Variants in CADPS observed in about 807,000 individuals in gnomAD.
CADPS encodes the protein calcium-dependent secretion activator 1.
A neutral mutation model predicts 167.3 loss-of-function variants in CADPS; 57 were observed. That is an observed-to-expected ratio of 0.34 (90% confidence interval 0.28 to 0.42). The LOEUF is 0.42. CADPS is among the 20% of genes least tolerant of loss of function. The probability of loss-of-function intolerance (pLI) is 1.00; values close to 1 mark genes in which losing one functional copy is unlikely to be tolerated. For missense variants in CADPS, 1,414 were observed against 1,738.1 expected (o/e 0.81, Z 3.32); for synonymous variants, 676 against 635.3 (o/e 1.06, Z -0.96).
intron 1 of CADPS, among the ~76,000 whole-genome samples, chr3:62,862,071 A>T (rs1354299078): frequency 6.6e-6 from 1 of 152,086 alleles, no homozygotes; most frequent in Non-Finnish European, 1.5e-5. Context: ...AAAAAAAAAA[A>T]TCCAAGATCC....
chr3:62,444,410 A>G (rs2056873912), intron 27 of CADPS, among the ~76,000 whole-genome samples: 1 of 152,208 alleles, frequency 6.6e-6, no homozygotes, highest in African/African-American at 2.4e-5. Context: ...TTTAATTTGC[A>G]CAGCAAACCC....
At chr3:62,819,002 T>G (rs2094761782) in intron 1 of CADPS, among the ~76,000 whole-genome samples, 1 of 151,878 alleles carries the variant, frequency 6.6e-6, no homozygotes, top group Non-Finnish European at 1.5e-5. Flanking sequence ...TAAGAACAGT[T>G]ACTGGCTCCA....
rs1010555407 is a variant in CADPS, at chr3:62,399,118, C to T, written c.*288G>A. On this transcript the variant is annotated 3_prime_UTR_variant, in exon 30 of 30. Transcript: ENST00000383710. This position sits in a 1 kb window ranked among gnomAD's most constrained non-coding sequence, Gnocchi z 5.6. The stretch of plus-strand genomic sequence containing the variant: ...ATGAATGAAGCATCATTGATCTTTG[C>T]TGATAACAGGGACACGCCTAGTGGT... The T allele has an allele frequency of 3.3e-6, 1 of 301,432 alleles. No individual in the cohort carries two copies. The highest frequency in any genetic ancestry group is 6.3e-6 in the Non-Finnish European group (1 of 159,404). The allele number at this position is 301,432 out of a possible 1,614,324, so 18.7% of individuals were successfully genotyped here.
chr3:62,704,861 C>T (rs1005006388), intron 3 of CADPS, among the ~76,000 whole-genome samples: 2 of 151,992 alleles, frequency 1.3e-5, no homozygotes, highest in East Asian at 1.9e-4. Context: ...AATCAATTAA[C>T]GAATCACAGC....
In CADPS at chr3:62,600,945, C is replaced by T; in HGVS notation, c.1326-8197G>A. On this transcript the variant is annotated intron_variant, in intron 6 of 29. Coordinates refer to ENST00000383710, the MANE Select transcript of CADPS (RefSeq NM_003716.4). ...GCCAGCCTGGGCAACATAGTGATAC[C>T]CAGTCTCTTAAAAAAATAGAACTGA... Among the ~76,000 whole-genome samples, 2 of 152,048 alleles carry T rather than the reference C, an allele frequency of 1.3e-5. 1 individual carries two copies. Among genetic ancestry groups the T allele is most frequent in the Non-Finnish European group, 2.9e-5 (2 of 68,008 alleles).
chr3:62,592,591 G>C lies in CADPS; in HGVS notation c.1437+46C>G, dbSNP rs2086300075. ...GACCTGTGCACTGGAGACCTAGCTG[G>C]GGAAATCCTCTCTGTGGAGTTCCCC... On this transcript the variant is annotated intron_variant, in intron 7 of 29. Transcript: ENST00000383710. 3 of 1,452,692 alleles carry C rather than the reference G, an allele frequency of 2.1e-6. No individual in the cohort carries two copies. In the African/African-American group the frequency reaches 4.2e-5, roughly 20 times the overall value. The allele number at this position is 1,452,692 out of a possible 1,614,324, so 90.0% of individuals were successfully genotyped here. A position where few individuals can be genotyped will look rare whatever the true frequency, so the allele number is the denominator to read the frequency against.
intron 3 of CADPS, among the ~76,000 whole-genome samples, chr3:62,713,667 G>A (rs2083843755): frequency 2.0e-5 from 3 of 152,194 alleles, no homozygotes; most frequent in Admixed American, 1.3e-4. Flanking sequence ...CCACTGGCTT[G>A]CCATTGAATT....
At chr3:62,485,926 C>A (rs1208281649) in intron 21 of CADPS, among the ~76,000 whole-genome samples, 1 of 152,152 alleles carries the variant, frequency 6.6e-6, no homozygotes, top group East Asian at 1.9e-4. Context: ...ACTCAGGACA[C>A]TTGGTGGCCC....
intron 1 of CADPS, among the ~76,000 whole-genome samples, chr3:62,835,832 AGAAACT>A (rs2075813477): frequency 6.6e-6 from 1 of 152,232 alleles, no homozygotes; most frequent in Non-Finnish European, 1.5e-5. Context: ...AAGAGAAAAC[AGAAACT>A]GAAACTGTTT....
chr3:62,686,452 G>T (rs546748454), intron 3 of CADPS, among the ~76,000 whole-genome samples: 1 of 152,116 alleles, frequency 6.6e-6, no homozygotes, highest in South Asian at 2.1e-4. Context: ...TGCTAAATGT[G>T]AACTAGAAAG....
chr3:62,525,904 T>C (rs923562554), intron 13 of CADPS, among the ~76,000 whole-genome samples: 1 of 152,080 alleles, frequency 6.6e-6, no homozygotes, highest in African/African-American at 2.4e-5. Flanking sequence ...AGGGCAATCA[T>C]TGTGGTCCAG....
At chr3:62,816,717 A>G (rs2094633036) in intron 1 of CADPS, among the ~76,000 whole-genome samples, 1 of 151,946 alleles carries the variant, frequency 6.6e-6, no homozygotes, top group African/African-American at 2.4e-5. Flanking sequence ...AGAAAGCCTC[A>G]CATTTTTCAC....
At position 62,812,159 on chromosome 3, in the gene CADPS, G is replaced by A. The variant is rs559684476; in HGVS notation, c.442-46175C>T. On this transcript the variant is annotated intron_variant, in intron 1 of 29. Coordinates refer to ENST00000383710, the MANE Select transcript of CADPS (RefSeq NM_003716.4). Reference sequence around the variant, plus strand: ...AAATATTCAAAAACAACTGGAAGGAGATACACAAAAATATTAACATATGAT... The same window carrying A: ...AAATATTCAAAAACAACTGGAAGGAAATACACAAAAATATTAACATATGAT... 4.3e-3 allele frequency among the ~76,000 whole-genome samples: 658 copies of A among 152,238 alleles called. 5 individuals are homozygous for A. Among genetic ancestry groups the A allele is most frequent in the African/African-American group, 5.6e-3 (231 of 41,554 alleles).
At chr3:62,485,363 C>T (rs1045785617) in intron 21 of CADPS, among the ~76,000 whole-genome samples, 9 of 152,152 alleles carry the variant, frequency 5.9e-5, no homozygotes, top group Non-Finnish European at 7.4e-5. Context: ...CCTTGTATTT[C>T]TACCTTTGTA....
intron 3 of CADPS, among the ~76,000 whole-genome samples, chr3:62,740,184 A>G (rs1255496224): frequency 6.6e-6 from 1 of 152,158 alleles, no homozygotes; most frequent in Non-Finnish European, 1.5e-5. Flanking sequence ...GATTTGTTTC[A>G]TTTGTATCAC....
At chr3:62,803,132 C>T (rs75218904) in intron 1 of CADPS, among the ~76,000 whole-genome samples, 3,384 of 152,168 alleles carry the variant, frequency 0.022, 58 homozygotes, top group South Asian at 0.05. Flanking sequence ...GAGAGCTGAA[C>T]CATGCAACTC....
intron 6 of CADPS, among the ~76,000 whole-genome samples, chr3:62,627,069 A>G (rs914523845): frequency 2.6e-5 from 4 of 151,998 alleles, no homozygotes; most frequent in African/African-American, 9.7e-5. Flanking sequence ...ATGAGGATTT[A>G]TTCTTAATCT....
At chr3:62,406,680 A>G (rs569380468) in intron 28 of CADPS, among the ~76,000 whole-genome samples, 1 of 152,310 alleles carries the variant, frequency 6.6e-6, no homozygotes, top group African/African-American at 2.4e-5. Context: ...ACACAGCACT[A>G]AAGAAATAAA....
chr3:62,852,042 T>C (rs921090954), intron 1 of CADPS, among the ~76,000 whole-genome samples: 2 of 148,044 alleles, frequency 1.4e-5, no homozygotes, highest in African/African-American at 5.0e-5. Flanking sequence ...CCATTGCTGA[T>C]ACCCTTTCTT....
Sources: gnomAD v4.1 joint callset for allele counts (sites outside exome capture counted in the v4.1 genomes callset) on GRCh38, gnomAD v4.1.1 for gene constraint, Gnocchi (gnomAD v3.1) non-coding constraint, MANE v1.5 for transcripts, NCBI Gene and HGNC (gene_info 2026-07-23, HGNC 2026-07-21) for gene names.